RNF11: variants seen among roughly 807,000 people sequenced by gnomAD.
The protein encoded by RNF11 is ring finger protein 11.
Under a neutral mutation model 15.8 loss-of-function variants are expected in RNF11, and 4 were observed. The ratio of observed to expected loss-of-function variants is 0.25; its 90% CI spans 0.12 to 0.58. The LOEUF (loss-of-function observed/expected upper bound fraction) is 0.58, where lower values mean the gene tolerates loss of function less well. Ranked by LOEUF, RNF11 falls within the 20% of genes least tolerant of loss-of-function variation. The probability of loss-of-function intolerance (pLI) is 0.91; values close to 1 mark genes in which losing one functional copy is unlikely to be tolerated. For synonymous variants in RNF11, 68 were observed against 72.3 expected, an observed-to-expected ratio of 0.94 and a Z score of 0.30; for missense variants, 139 against 194.4, an observed-to-expected ratio of 0.71 and a Z score of 1.70.
At chr1:51,261,317 T>C (rs561373009) in intron 1 of RNF11, among the ~76,000 whole-genome samples, 32 of 152,284 alleles carry the variant, frequency 2.1e-4, no homozygotes, top group African/African-American at 6.3e-4. Context: ...ATAGCTTTCA[T>C]TGGACTGCAT....
chr1:51,264,299 T>A (rs1442542922), intron 1 of RNF11, among the ~76,000 whole-genome samples: 73 of 94,776 alleles, frequency 7.7e-4, no homozygotes, highest in Non-Finnish European at 9.8e-4. Flanking sequence ...TATATATATA[T>A]ATATATATAT....
chr1:51,236,990 C>G, intron 1 of RNF11, 111 bp downstream of exon 1: 1 of 1,386,792 alleles, frequency 7.2e-7, no homozygotes, highest in Non-Finnish European at 9.7e-7. Context: ...GCCTGGGCGG[C>G]ATTGACCCCT....
At chr1:51,239,635 C>G (rs1273876938) in intron 1 of RNF11, among the ~76,000 whole-genome samples, 1 of 152,172 alleles carries the variant, frequency 6.6e-6, no homozygotes, top group Non-Finnish European at 1.5e-5. Context: ...TTGGCAGCCT[C>G]AAACTCCTGG....
Position 51,271,559 on chromosome 1 carries a change from T to C in RNF11, c.*237T>C, listed in dbSNP as rs1646978694. On this transcript the variant is annotated 3_prime_UTR_variant, in exon 3 of 3. Coordinates refer to ENST00000242719, the MANE Select transcript of RNF11 (RefSeq NM_014372.5). The stretch of plus-strand genomic sequence containing the variant: ...GACCCAATGTTTAAAAATATAATTG[T>C]ATTTAGATCTTGTTATTGCTCCAGT... 3 of 391,246 alleles carry C rather than the reference T, an allele frequency of 7.7e-6. No homozygotes were observed. Among genetic ancestry groups the C allele is most frequent in the Non-Finnish European group, 1.4e-5 (3 of 214,758 alleles). The allele number at this position is 391,246 out of a possible 1,614,324, so 24.2% of individuals were successfully genotyped here.
chr1:51,257,568 G>A (rs1390466618), intron 1 of RNF11, among the ~76,000 whole-genome samples: 1 of 151,990 alleles, frequency 6.6e-6, no homozygotes, highest in African/African-American at 2.4e-5. Flanking sequence ...CTATTCTTGT[G>A]CCTCAGCCTC....
chr1:51,242,633 T>C (rs1646835470), intron 1 of RNF11, among the ~76,000 whole-genome samples: 1 of 152,130 alleles, frequency 6.6e-6, no homozygotes, highest in African/African-American at 2.4e-5. Context: ...TTGTGGGGGA[T>C]GGGCTTGTTT....
At chr1:51,251,196 T>G in intron 1 of RNF11, 1 of 1,440,674 alleles carries the variant, frequency 6.9e-7, no homozygotes, top group Non-Finnish European at 9.6e-7. Flanking sequence ...CAGGAAAAAG[T>G]CAATGATCTC....
rs192752167 is a variant in RNF11 at position 51,261,050 on chromosome 1, A to G, written c.124-8906A>G. On this transcript the variant is annotated intron_variant, in intron 1 of 2. Transcript: ENST00000242719. ...AGCTTATCATTCCTTTTTCACATAT[A>G]CCTCACCACCTCCTCTGTGTTTAAT... Among the ~76,000 whole-genome samples the G allele has an allele frequency of 9.2e-5, 14 of 152,160 alleles. No individual in the cohort carries two copies. The East Asian group carries it at 1.5e-3, about 17-fold the overall frequency.
At chr1:51,246,996 A>AAC (rs1553168665) in intron 1 of RNF11, among the ~76,000 whole-genome samples, 7 of 151,198 alleles carry the variant, frequency 4.6e-5, no homozygotes, top group African/African-American at 1.5e-4. Flanking sequence ...AAAAAAAAAA[A>AAC]GGAAAAAATA....
intron 1 of RNF11, among the ~76,000 whole-genome samples, chr1:51,237,438 A>ATG (rs1553168205): frequency 8.6e-4 from 102 of 119,096 alleles, no homozygotes; most frequent in Admixed American, 1.6e-3. Context: ...ATATATATAT[A>ATG]TGTGTATATA....
intron 1 of RNF11, among the ~76,000 whole-genome samples, chr1:51,261,599 G>A (rs1400073600): frequency 6.6e-6 from 1 of 152,184 alleles, no homozygotes; most frequent in Non-Finnish European, 1.5e-5. Flanking sequence ...GAGTGCAGTG[G>A]CACGATCTCA....
intron 1 of RNF11, among the ~76,000 whole-genome samples, chr1:51,253,522 TAA>T (rs77641046): frequency 0.023 from 2,895 of 128,128 alleles, 74 homozygotes; most frequent in African/African-American, 0.069. Flanking sequence ...TCCTGTCTCT[TAA>T]AAAAAAAAAA....
At chr1:51,255,439 T>C (rs1446724125) in intron 1 of RNF11, among the ~76,000 whole-genome samples, 4 of 152,212 alleles carry the variant, frequency 2.6e-5, no homozygotes, top group Non-Finnish European at 4.4e-5. Context: ...TTTGTCTTTT[T>C]GGCAGAGACA....
chr1:51,237,049 A>AT, intron 1 of RNF11, among the ~76,000 whole-genome samples, 170 bp downstream of exon 1: 1 of 152,034 alleles, frequency 6.6e-6, no homozygotes, highest in East Asian at 1.9e-4. Flanking sequence ...AGTAAGGTTG[A>AT]TTCTTCGCCT....
At chr1:51,251,230 A>G in intron 1 of RNF11, 3 of 1,340,712 alleles carry the variant, frequency 2.2e-6, no homozygotes, top group Non-Finnish European at 3.2e-6. Flanking sequence ...GGCAGGGAGA[A>G]GAGATAGATC....
In RNF11 at chr1:51,261,235, G is replaced by A. The variant is rs539347362; in HGVS notation, c.124-8721G>A. ...AGATCCACAGACCCTTTAAGGTCAGGGATAGAACTGCTTTCAGTGTGATTG... is the reference window on the plus strand; with the variant it reads ...AGATCCACAGACCCTTTAAGGTCAGAGATAGAACTGCTTTCAGTGTGATTG... On this transcript the variant is annotated intron_variant, in intron 1 of 2. Coordinates refer to ENST00000242719, the MANE Select transcript of RNF11 (RefSeq NM_014372.5). Among the ~76,000 whole-genome samples, 6 of 152,206 alleles carry A rather than the reference G, an allele frequency of 3.9e-5. No individual in the cohort carries two copies. In the East Asian group the frequency reaches 1.2e-3, roughly 29 times the overall value.
intron 1 of RNF11, among the ~76,000 whole-genome samples, chr1:51,256,209 C>T (rs989960332): frequency 5.3e-5 from 8 of 152,098 alleles, no homozygotes; most frequent in African/African-American, 1.4e-4. Flanking sequence ...AAAAATTTTC[C>T]GTGTTCCATC....
chr1:51,245,484 C>T (rs1434434548), intron 1 of RNF11, among the ~76,000 whole-genome samples: 1 of 151,512 alleles, frequency 6.6e-6, no homozygotes, highest in Non-Finnish European at 1.5e-5. Context: ...TGGAGTCTTA[C>T]TCCATCGCCC....
At chr1:51,237,658 AATC>A (rs1241763882) in intron 1 of RNF11, among the ~76,000 whole-genome samples, 1 of 152,032 alleles carries the variant, frequency 6.6e-6, no homozygotes, top group Non-Finnish European at 1.5e-5. Flanking sequence ...TTTGTACAAT[AATC>A]AGTAGTCCCA....
Sources: allele counts gnomAD v4.1 joint callset (sites outside exome capture counted in the v4.1 genomes callset), GRCh38; gene constraint gnomAD v4.1.1; transcripts MANE v1.5; gene names NCBI Gene and HGNC (gene_info 2026-07-23, HGNC 2026-07-21).